Variants in NRXN1 observed in about 807,000 individuals in gnomAD.
The protein encoded by NRXN1 is neurexin 1, also known as neurexin-1.
NRXN1 carries 39 observed loss-of-function variants against 150.9 expected under a neutral mutation model. The ratio of observed to expected loss-of-function variants is 0.26; its 90% CI spans 0.20 to 0.34. NRXN1 has a LOEUF of 0.34. Ranked by LOEUF, NRXN1 falls within the 10% of genes least tolerant of loss-of-function variation. NRXN1 has a pLI of 1.00. For missense variants in NRXN1, 1,815 were observed against 1,949.9 expected, an observed-to-expected ratio of 0.93 and a Z score of 1.30; for synonymous variants, 924 against 757.0, an observed-to-expected ratio of 1.22 and a Z score of -3.62.
chr2:50,154,625 G>C (rs961254584), intron 18 of NRXN1, among the ~76,000 whole-genome samples: 3 of 151,538 alleles, frequency 2.0e-5, no homozygotes, highest in African/African-American at 7.3e-5. Flanking sequence ...AATAAAGAAA[G>C]GCTCCTATAG....
chr2:50,447,701 T>C (rs2086555788), intron 17 of NRXN1, among the ~76,000 whole-genome samples: 1 of 132,156 alleles, frequency 7.6e-6, no homozygotes, highest in African/African-American at 3.1e-5. Flanking sequence ...GGGAGATTCC[T>C]AGATTTTTAA....
chr2:50,713,398 G>A (rs1695451504), intron 5 of NRXN1, among the ~76,000 whole-genome samples: 2 of 151,896 alleles, frequency 1.3e-5, no homozygotes, highest in Admixed American at 1.3e-4. Context: ...TCTTTACACA[G>A]GGCAAATTTT....
At chr2:49,993,545 T>G (rs955885123) in intron 21 of NRXN1, among the ~76,000 whole-genome samples, 2 of 152,156 alleles carry the variant, frequency 1.3e-5, no homozygotes, top group African/African-American at 4.8e-5. Context: ...CCTCTGGCCT[T>G]TGGTTGATTA....
chr2:50,705,901 G>A (rs1287456688), intron 5 of NRXN1, among the ~76,000 whole-genome samples: 2 of 152,110 alleles, frequency 1.3e-5, no homozygotes, highest in African/African-American at 4.8e-5. Flanking sequence ...ACAATCAGAG[G>A]CTCTCCTACA....
intron 17 of NRXN1, among the ~76,000 whole-genome samples, chr2:50,452,160 A>C (rs1402738293): frequency 2.0e-5 from 3 of 152,224 alleles, no homozygotes; most frequent in Non-Finnish European, 4.4e-5. Flanking sequence ...ATTAATTCAA[A>C]GTTTCCTTGC....
intron 8 of NRXN1, among the ~76,000 whole-genome samples, chr2:50,557,521 C>T (rs1668432616): frequency 6.6e-6 from 1 of 152,046 alleles, no homozygotes; most frequent in Non-Finnish European, 1.5e-5. Flanking sequence ...AGAGAGAATT[C>T]CAGCTCACTC....
intron 21 of NRXN1, among the ~76,000 whole-genome samples, chr2:50,024,949 A>T (rs948121565): frequency 1.8e-4 from 27 of 152,076 alleles, no homozygotes; most frequent in African/African-American, 5.6e-4. Context: ...TCACCTATAA[A>T]GTGAAGGTTC....
chr2:50,138,591 T>C (rs1706764091), intron 18 of NRXN1, among the ~76,000 whole-genome samples: 1 of 152,250 alleles, frequency 6.6e-6, no homozygotes. Context: ...ACTGCCCCGT[T>C]AGCTATCCAA....
chr2:50,405,564 T>C (rs1225855581), intron 17 of NRXN1, among the ~76,000 whole-genome samples: 1 of 152,152 alleles, frequency 6.6e-6, no homozygotes, highest in Non-Finnish European at 1.5e-5. Flanking sequence ...TAGCACCCAA[T>C]TTGGGGACTG....
chr2:50,675,230 T>G (rs1347123276), intron 5 of NRXN1, among the ~76,000 whole-genome samples: 1 of 152,066 alleles, frequency 6.6e-6, no homozygotes, highest in Non-Finnish European at 1.5e-5. Flanking sequence ...GGTATTGACT[T>G]ACAGCAAGAC....
At chr2:50,588,892 T>C (rs1282358227) in intron 8 of NRXN1, 1 of 152,190 alleles carries the variant, frequency 6.6e-6, no homozygotes, top group Non-Finnish European at 1.5e-5. Context: ...TATCCACGTC[T>C]ATCCCTACTG....
intron 5 of NRXN1, among the ~76,000 whole-genome samples, chr2:50,796,397 G>A (rs756356245): frequency 1.8e-4 from 27 of 152,120 alleles, no homozygotes; most frequent in Admixed American, 7.2e-4. Context: ...GGTAATATAT[G>A]TGTTGCAAAA....
intron 18 of NRXN1, among the ~76,000 whole-genome samples, chr2:50,151,766 C>A (rs2058711299): frequency 6.6e-6 from 1 of 151,588 alleles, no homozygotes; most frequent in Non-Finnish European, 1.5e-5. Flanking sequence ...GTTGCAATTA[C>A]TTAGTAAGTT....
chr2:50,515,736 G>T (rs2092612099), intron 12 of NRXN1, among the ~76,000 whole-genome samples: 1 of 151,602 alleles, frequency 6.6e-6, no homozygotes, highest in Admixed American at 6.6e-5. Context: ...GTTGACTTTG[G>T]GGACTGTAGT....
At chr2:50,861,534 A>G (rs1676130534) in intron 5 of NRXN1, among the ~76,000 whole-genome samples, 1 of 152,106 alleles carries the variant, frequency 6.6e-6, no homozygotes, top group South Asian at 2.1e-4. Flanking sequence ...CACCTTTACC[A>G]AGTTTGAGAT....
At chr2:49,936,821 C>G (rs993240560) in intron 22 of NRXN1, among the ~76,000 whole-genome samples, 1 of 151,158 alleles carries the variant, frequency 6.6e-6, no homozygotes, top group Non-Finnish European at 1.5e-5. Context: ...CATATGTACA[C>G]ACACACACAC....
At chr2:50,729,000 C>T (rs1026848765) in intron 5 of NRXN1, among the ~76,000 whole-genome samples, 2 of 152,024 alleles carry the variant, frequency 1.3e-5, no homozygotes, top group Non-Finnish European at 2.9e-5. Context: ...TACTGTGAAA[C>T]CTTTTTTTCC....
intron 17 of NRXN1, among the ~76,000 whole-genome samples, chr2:50,407,552 C>T (rs536084972): frequency 9.9e-5 from 15 of 152,128 alleles, no homozygotes; most frequent in Admixed American, 9.2e-4. Context: ...AGTAGTGGGG[C>T]TTTTAAGAGG....
At chr2:50,810,127 A>G (rs1668015641) in intron 5 of NRXN1, among the ~76,000 whole-genome samples, 1 of 152,166 alleles carries the variant, frequency 6.6e-6, no homozygotes, top group Non-Finnish European at 1.5e-5. Flanking sequence ...GTTTCCAAAC[A>G]TTCTAAAGCA....
Sources: gnomAD v4.1 joint callset for allele counts (sites outside exome capture counted in the v4.1 genomes callset) on GRCh38, gnomAD v4.1.1 for gene constraint, MANE v1.5 for transcripts, NCBI Gene and HGNC (gene_info 2026-07-23, HGNC 2026-07-21) for gene names.